DAB2: variants seen among roughly 807,000 people sequenced by gnomAD.
DAB2 encodes the protein DAB adaptor protein 2.
A neutral mutation model predicts 71.6 loss-of-function variants in DAB2; 28 were observed. The observed-to-expected ratio is 0.39, with a 90% CI of 0.29 to 0.54. DAB2 has a LOEUF of 0.54. Ranked by LOEUF, DAB2 falls within the 20% of genes least tolerant of loss-of-function variation. The pLI is 0.68. For missense variants in DAB2, 867 were observed against 928.8 expected (o/e 0.93, Z 0.86); for synonymous variants, 345 against 339.7 (o/e 1.02, Z -0.17).
At chr5:39,388,742 A>G in intron 8 of DAB2, 57 bp downstream of exon 8, 1 of 1,386,648 alleles carries the variant, frequency 7.2e-7, no homozygotes, top group East Asian at 2.3e-5. Flanking sequence ...ATCTACAGGA[A>G]GTAGAACCCA....
At chr5:39,391,971 A>T (rs1186476505) in intron 4 of DAB2, among the ~76,000 whole-genome samples, 6 of 127,412 alleles carry the variant, frequency 4.7e-5, no homozygotes, top group South Asian at 2.7e-4. Context: ...AGGTCAAAAA[A>T]AAAAAAAAAA....
chr5:39,390,267 T>C (rs62358402), intron 5 of DAB2, among the ~76,000 whole-genome samples, 177 bp downstream of exon 5: 4,028 of 152,320 alleles, frequency 0.026, 84 homozygotes, highest in South Asian at 0.086. Flanking sequence ...CAGCAGTGCA[T>C]AGCTATCAAT....
intron 3 of DAB2, 117 bp from the exon 4 acceptor site, chr5:39,392,580 A>G (rs80047604): frequency 0.033 from 23,682 of 717,266 alleles, 567 homozygotes; most frequent in South Asian, 0.075. Flanking sequence ...GCCATCGATG[A>G]GAGGATTCGG....
At position 39,374,610 on chromosome 5, in the gene DAB2, G is replaced by A. The variant is rs374961979; in HGVS notation, c.*5+404C>T. 5.3e-4 allele frequency: 92 copies of A among 174,226 alleles called. No individual in the cohort carries two copies. In the South Asian group the frequency reaches 0.011, roughly 21 times the overall value. 10.8% of individuals were successfully genotyped at this position (174,226 alleles called of 1,614,324 possible). On this transcript the variant is annotated intron_variant, in intron 14 of 14. Transcript: ENST00000320816. Reference sequence around the variant, plus strand: ...CATAATCTGTTTTGCTGACTTGGTGGCTTCAGAAAGTCAATGGAATCTGAA... The same window carrying A: ...CATAATCTGTTTTGCTGACTTGGTGACTTCAGAAAGTCAATGGAATCTGAA...
At chr5:39,398,794 C>T (rs1755436163) in intron 1 of DAB2, among the ~76,000 whole-genome samples, 3 of 152,176 alleles carry the variant, frequency 2.0e-5, no homozygotes, top group African/African-American at 4.8e-5. Flanking sequence ...GAGCACGTCC[C>T]CATCATAGAC....
intron 1 of DAB2, among the ~76,000 whole-genome samples, chr5:39,395,934 A>ATTTTTTTTTT (rs1561373222): frequency 6.1e-4 from 20 of 32,874 alleles, no homozygotes; most frequent in South Asian, 2.6e-3. Context: ...AGACACAGAT[A>ATTTTTTTTTT]TTCTTTTTTT....
rs2112125209 is a variant in DAB2, at chr5:39,424,928, G to A, written c.-226C>T. On this transcript the variant is annotated 5_prime_UTR_variant, in exon 1 of 15. Coordinates refer to ENST00000320816, the MANE Select transcript of DAB2 (RefSeq NM_001343.4). Reference sequence around the variant, plus strand: ...CCGGCCGGGAGCTTCGGAGCCGCGCGGCCACTCCCGGCGAGAGATATGGTT... The same window carrying A: ...CCGGCCGGGAGCTTCGGAGCCGCGCAGCCACTCCCGGCGAGAGATATGGTT... The A allele has an allele frequency of 6.6e-6, 1 of 152,532 alleles. No individual in the cohort carries two copies. The highest frequency in any genetic ancestry group is 1.5e-5 in the Non-Finnish European group (1 of 68,066). 9.4% of individuals were successfully genotyped at this position (152,532 alleles called of 1,614,324 possible).
At position 39,421,285 on chromosome 5, in the gene DAB2, A is replaced by G. The variant is rs1266341444; in HGVS notation, c.-102+3519T>C. Among the ~76,000 whole-genome samples the G allele has an allele frequency of 2.0e-5, 3 of 152,238 alleles. No homozygotes were observed. The East Asian group carries it at 5.8e-4, about 29-fold the overall frequency. On this transcript the variant is annotated intron_variant, in intron 1 of 14. Transcript: ENST00000320816. The stretch of plus-strand genomic sequence containing the variant: ...TTCCATTTGCTTTCAGTTTTCACAA[A>G]GACACTTAATTCAGTTGTTCAGGGG...
intron 11 of DAB2, among the ~76,000 whole-genome samples, chr5:39,379,796 T>C (rs1416520855): frequency 6.7e-6 from 1 of 148,662 alleles, no homozygotes; most frequent in Non-Finnish European, 1.5e-5. Flanking sequence ...CCTTCCATGG[T>C]TTGGCTGAGG....
rs1755011720 is a variant in DAB2 at position 39,382,838 on chromosome 5, G to C, written c.1121C>G (p.Ala374Gly). 1.2e-6 allele frequency: 2 copies of C among 1,614,150 alleles called. No individual in the cohort carries two copies. The change falls in exon 10 of 15, where the codon GCA (alanine) becomes GGA (glycine). Residue 374 changes from alanine to glycine, a missense_variant. This residue lies in a region of DAB2 where 740 missense variants were observed against 734.3 expected (regional missense o/e 1.01). Transcript: ENST00000320816. The part of the protein sequence containing the change: ...WPFSSSQTQP[A>G]VRTQNGVSER... ...AGATACCCCATTTTGAGTTCTCACT[G>C]CTGGCTGGGTTTGCGAACTTGAAAA...
At chr5:39,399,761 T>C (rs1755453459) in intron 1 of DAB2, among the ~76,000 whole-genome samples, 1 of 152,238 alleles carries the variant, frequency 6.6e-6, no homozygotes, top group African/African-American at 2.4e-5. Flanking sequence ...ATAATAAAAA[T>C]CAGCTGTTGC....
chr5:39,399,586 A>T (rs1291438405), intron 1 of DAB2, among the ~76,000 whole-genome samples: 1 of 152,204 alleles, frequency 6.6e-6, no homozygotes, highest in Non-Finnish European at 1.5e-5. Flanking sequence ...CTTAATGCAA[A>T]TCTCCCTGAA....
intron 1 of DAB2, among the ~76,000 whole-genome samples, chr5:39,403,793 T>C (rs1459056995): frequency 1.3e-5 from 2 of 151,692 alleles, no homozygotes. Context: ...GGACTCATTA[T>C]AACCCATCCT....
chr5:39,390,511 C>T lies in DAB2; in HGVS notation c.395G>A (p.Arg132Gln), dbSNP rs1755201749. 3.1e-6 allele frequency: 5 copies of T among 1,613,938 alleles called. No homozygotes were observed. Among genetic ancestry groups the T allele is most frequent in the South Asian group, 1.1e-5 (1 of 91,062 alleles). The stretch of plus-strand genomic sequence containing the variant: ...TCCTCCACACACGTAACCAAATGCC[C>T]GGTTGTCTGTCACATCACGGGCAAT... ...SFIARDVTDN[R>Q]AFGYVCGGEG... Residue 132 changes from arginine to glutamine, a missense_variant, in exon 5 of 15, where the codon CGG (arginine) becomes CAG (glutamine). Arg to Gln is a conservative substitution (Grantham distance 43). Transcript: ENST00000320816.
intron 13 of DAB2, among the ~76,000 whole-genome samples, 190 bp downstream of exon 13, chr5:39,375,807 A>G (rs1170196916): frequency 6.6e-6 from 1 of 152,142 alleles, no homozygotes; most frequent in East Asian, 1.9e-4. Context: ...AATCCTTTGA[A>G]CTCAGGAAGT....
intron 2 of DAB2, among the ~76,000 whole-genome samples, chr5:39,394,028 C>T (rs1448396662): frequency 4.6e-5 from 7 of 152,168 alleles, no homozygotes; most frequent in Non-Finnish European, 1.0e-4. Context: ...GGTATAATCG[C>T]AGGTTTCCAG....
chr5:39,388,306 G>A lies in DAB2; in HGVS notation c.686C>T (p.Thr229Ile). ...GCAAATTTAAAAACAAACACTTACT[G>A]TTGGACTATTTAGGTCAGGAGGTGT... ...MSTPPDLNSP[T>I]ESKDILLVDL... Residue 229 changes from threonine to isoleucine, a missense_variant and splice_region_variant, in exon 9 of 15, where the codon ACA (threonine) becomes ATA (isoleucine). Thr to Ile is a moderately conservative substitution (Grantham distance 89, BLOSUM62 -1). Transcript: ENST00000320816. 2 of 1,606,976 alleles carry A rather than the reference G, an allele frequency of 1.2e-6. No homozygotes were observed. The highest frequency in any genetic ancestry group is 1.3e-5 in the African/African-American group (1 of 74,798).
At chr5:39,412,268 C>T (rs2112101514) in intron 1 of DAB2, among the ~76,000 whole-genome samples, 1 of 152,176 alleles carries the variant, frequency 6.6e-6, no homozygotes, top group Non-Finnish European at 1.5e-5. Context: ...CTTGAAAAGC[C>T]TGCAGACACT....
intron 9 of DAB2, 197 bp downstream of exon 9, chr5:39,388,108 A>G: frequency 3.7e-6 from 2 of 541,758 alleles, no homozygotes; most frequent in Non-Finnish European, 6.5e-6. Flanking sequence ...AGCAATATTA[A>G]TATAACTGAA....
Sources: allele counts gnomAD v4.1 joint callset (sites outside exome capture counted in the v4.1 genomes callset), GRCh38; gene constraint gnomAD v4.1.1; regional missense constraint gnomAD v4.1.1; transcripts MANE v1.5; gene names NCBI Gene and HGNC (gene_info 2026-07-23, HGNC 2026-07-21).